Variants in SLC9A7 observed in about 807,000 individuals in gnomAD.
The protein encoded by SLC9A7 is solute carrier family 9 member A7, also known as sodium/hydrogen exchanger 7.
In SLC9A7, 19 loss-of-function variants were observed where a neutral mutation model predicts 52.6. The ratio of observed to expected loss-of-function variants is 0.36; its 90% CI spans 0.25 to 0.53. SLC9A7 has a LOEUF of 0.53. Ranked by LOEUF, SLC9A7 falls within the 20% of genes least tolerant of loss-of-function variation. SLC9A7 has a pLI of 0.91. For missense variants in SLC9A7, 455 were observed against 597.9 expected (o/e 0.76, Z 2.49); for synonymous variants, 226 against 252.1 (o/e 0.90, Z 0.98).
chrX:46,632,686 A>C (rs1011789847), intron 13 of SLC9A7, among the ~76,000 whole-genome samples: 1 of 111,420 alleles, frequency 9.0e-6, no homozygotes, highest in Admixed American at 9.5e-5. Context: ...AAACCCCATC[A>C]CAGTGGTCCC....
chrX:46,636,210 C>A (rs1004994663), intron 12 of SLC9A7, among the ~76,000 whole-genome samples: 1 of 111,598 alleles, frequency 9.0e-6, no homozygotes. Context: ...TTCTGCTATT[C>A]TCTTTAGCTT....
chrX:46,691,579 T>C (rs1366525769), intron 1 of SLC9A7, among the ~76,000 whole-genome samples: 1 of 112,109 alleles, frequency 8.9e-6, no homozygotes, highest in African/African-American at 3.2e-5. Context: ...CAAAACCCTT[T>C]ATAAACTGTC....
chrX:46,754,334 G>A (rs1254583850), intron 1 of SLC9A7, among the ~76,000 whole-genome samples: 1 of 111,545 alleles, frequency 9.0e-6, no homozygotes, highest in African/African-American at 3.3e-5. Context: ...AAGGCTCAGA[G>A]AGTTTATCCA....
At chrX:46,706,627 T>C (rs1944609164) in intron 1 of SLC9A7, among the ~76,000 whole-genome samples, 1 of 95,053 alleles carries the variant, frequency 1.1e-5, no homozygotes, top group Non-Finnish European at 2.1e-5. Flanking sequence ...AGAGTAAGTC[T>C]CTCTCCTCCC....
chrX:46,607,350 G>A (rs1284849818), intron 16 of SLC9A7, 147 bp from the exon 17 acceptor site: 1 of 619,989 alleles, frequency 1.6e-6, no homozygotes, highest in African/African-American at 2.3e-5. Flanking sequence ...GTGGTAACTG[G>A]ATGTAAACTG....
chrX:46,657,251 C>T (rs1943716821), intron 7 of SLC9A7, among the ~76,000 whole-genome samples: 1 of 110,514 alleles, frequency 9.0e-6, no homozygotes, highest in Non-Finnish European at 1.9e-5. Context: ...ACAACCGGTA[C>T]CAGCCACTGC....
At chrX:46,683,142 G>A (rs1471170091) in intron 1 of SLC9A7, among the ~76,000 whole-genome samples, 2 of 108,466 alleles carry the variant, frequency 1.8e-5, no homozygotes, top group Non-Finnish European at 3.8e-5. Context: ...ACCTGAGCAT[G>A]TCTCATTTCT....
In SLC9A7 at chrX:46,757,453, G is replaced by A. The variant is rs138482232; in HGVS notation, c.325+1252C>T. Among the ~76,000 whole-genome samples, 347 of 112,796 alleles carry A rather than the reference G, an allele frequency of 3.1e-3. 2 individuals carry two copies. Among genetic ancestry groups the A allele is most frequent in the Middle Eastern group, 0.014 (3 of 218 alleles). ...GGCTGCGAGGGCCTGGTGGCCATGA[G>A]CCCCGGCTGTCAACAACTAATCAAG... On this transcript the variant is annotated intron_variant, in intron 1 of 16. Coordinates refer to ENST00000616978, the MANE Select transcript of SLC9A7 (RefSeq NM_001257291.2).
intron 7 of SLC9A7, among the ~76,000 whole-genome samples, chrX:46,655,946 T>C (rs1240910354): frequency 8.9e-6 from 1 of 112,046 alleles, no homozygotes; most frequent in African/African-American, 3.2e-5. Flanking sequence ...AAGACAGCAG[T>C]AACCTCCGCA....
intron 1 of SLC9A7, among the ~76,000 whole-genome samples, chrX:46,757,847 A>C (rs1365165175): frequency 9.0e-6 from 1 of 111,396 alleles, no homozygotes; most frequent in Non-Finnish European, 1.9e-5. Context: ...TGTGCATGTA[A>C]CACACTGTGT....
At chrX:46,755,142 G>A (rs1922544243) in intron 1 of SLC9A7, among the ~76,000 whole-genome samples, 1 of 112,213 alleles carries the variant, frequency 8.9e-6, no homozygotes, top group African/African-American at 3.2e-5. Flanking sequence ...TTTGGTGGGT[G>A]GGGGAGTTCC....
chrX:46,635,723 G>T, intron 12 of SLC9A7, 75 bp from the exon 13 acceptor site: 1 of 720,478 alleles, frequency 1.4e-6, no homozygotes, highest in Non-Finnish European at 2.2e-6. Flanking sequence ...AAATGATCTG[G>T]ACCATGTCCA....
chrX:46,670,237 C>A lies in SLC9A7; in HGVS notation c.681-518G>T, dbSNP rs546180304. On this transcript the variant is annotated intron_variant, in intron 4 of 16. Coordinates refer to ENST00000616978, the MANE Select transcript of SLC9A7 (RefSeq NM_001257291.2). ...TTATTTCAAAAAAAGGAAAAAGAGG[C>A]GAATATCTTTAAATGTCCTATTAGA... Among the ~76,000 whole-genome samples, 31 of 112,005 alleles carry A rather than the reference C, an allele frequency of 2.8e-4. 1 individual carries two copies. The South Asian group carries it at 0.011, about 40-fold the overall frequency.
At chrX:46,610,523 T>C (rs1215536643) in intron 16 of SLC9A7, among the ~76,000 whole-genome samples, 2 of 111,972 alleles carry the variant, frequency 1.8e-5, no homozygotes, top group South Asian at 3.7e-4. Flanking sequence ...TTTGGGTTCC[T>C]CCACTGATAA....
intron 7 of SLC9A7, among the ~76,000 whole-genome samples, chrX:46,661,353 C>T (rs914966568): frequency 8.3e-5 from 9 of 108,720 alleles, no homozygotes; most frequent in African/African-American, 3.0e-4. Context: ...GCACATGTAC[C>T]CTAAAACTTA....
At position 46,600,888 on chromosome X, in the gene SLC9A7, T is replaced by C. The variant is rs1349818980; in HGVS notation, c.*6064A>G. 8.9e-6 allele frequency: 1 copy of C among 111,885 alleles called. No individual in the cohort carries two copies. The highest frequency in any genetic ancestry group is 1.9e-5 in the Non-Finnish European group (1 of 53,240). 9.2% of individuals were successfully genotyped at this position (111,885 alleles called of 1,213,427 possible). A position where few individuals can be genotyped will look rare whatever the true frequency, so the allele number is the denominator to read the frequency against. On this transcript the variant is annotated 3_prime_UTR_variant, in exon 17 of 17. Coordinates refer to ENST00000616978, the MANE Select transcript of SLC9A7 (RefSeq NM_001257291.2). ...TTTCTAAACTACAACTCTTGGCCAC[T>C]AGATTCCTTTGACTTACTGTATCAG...
At chrX:46,671,018 A>G (rs1005478817) in intron 4 of SLC9A7, among the ~76,000 whole-genome samples, 1 of 111,767 alleles carries the variant, frequency 8.9e-6, no homozygotes, top group South Asian at 3.8e-4. Flanking sequence ...CTTCAATAAT[A>G]TGTATCTCTT....
At chrX:46,647,887 C>T (rs989162655) in intron 11 of SLC9A7, among the ~76,000 whole-genome samples, 1 of 112,472 alleles carries the variant, frequency 8.9e-6, no homozygotes, top group Non-Finnish European at 1.9e-5. Flanking sequence ...GACAGAGGTG[C>T]CTTTAAGGGT....
intron 1 of SLC9A7, among the ~76,000 whole-genome samples, chrX:46,718,122 G>C (rs1283044635): frequency 9.0e-6 from 1 of 111,400 alleles, no homozygotes; most frequent in Non-Finnish European, 1.9e-5. Context: ...GAACAGAACA[G>C]AGCCCTCAGA....
Sources: gnomAD v4.1 joint callset for allele counts (sites outside exome capture counted in the v4.1 genomes callset) on GRCh38, gnomAD v4.1.1 for gene constraint, MANE v1.5 for transcripts, NCBI Gene and HGNC (gene_info 2026-07-23, HGNC 2026-07-21) for gene names.